MYO19: variants seen among roughly 807,000 people sequenced by gnomAD.
The protein encoded by MYO19 is myosin XIX.
A neutral mutation model predicts 129.2 loss-of-function variants in MYO19; 132 were observed. The observed-to-expected ratio is 1.02, with a 90% CI of 0.89 to 1.18. The LOEUF is 1.18. MYO19 is among the 50% of genes most tolerant of loss of function. The pLI is 0.00. For synonymous variants in MYO19, 531 were observed against 477.2 expected (o/e 1.11, Z -1.47); for missense variants, 1,210 against 1,216.7 (o/e 0.99, Z 0.08).
chr17:36,512,609 A>G, intron 11 of MYO19: 1 of 1,283,492 alleles, frequency 7.8e-7, no homozygotes, highest in Non-Finnish European at 1.0e-6. Flanking sequence ...AGTGTTGTCC[A>G]CTTATCCTGG....
chr17:36,543,331 T>A (rs2074209766), exon 1 of MYO19: 1 of 151,848 alleles, frequency 6.6e-6, no homozygotes, highest in South Asian at 2.1e-4. Context: ...AATTTTGTAT[T>A]TTTAGTAGAG....
In MYO19 at chr17:36,498,428, G is replaced by A; in HGVS notation, c.2595C>T (p.Pro865=). 1 of 1,614,012 alleles carries A rather than the reference G, an allele frequency of 6.2e-7. No individual in the cohort carries two copies. The highest frequency in any genetic ancestry group is 8.5e-7 in the Non-Finnish European group (1 of 1,179,888). Residue 865 remains proline, a synonymous_variant, in exon 25 of 26, where the codon CCC becomes CCT. Coordinates refer to ENST00000614623, the MANE Select transcript of MYO19 (RefSeq NM_001163735.2). The stretch of plus-strand genomic sequence containing the variant: ...CCGTATTGGCCAGGACCAGTCCCAG[G>A]GGCCAGAGGCGGATTATTGCCTCCA... ...RLLEAIIRLW[P]LGLVLANTAM...
chr17:36,509,156 A>C (rs1471263069), intron 13 of MYO19, 21 bp from the exon 14 acceptor site: 4 of 1,611,912 alleles, frequency 2.5e-6, no homozygotes, highest in Non-Finnish European at 3.4e-6. Context: ...AAGAGAGTGG[A>C]CTCTGGTAAG....
chr17:36,543,934 C>CT (rs2074217784), upstream of MYO19, among the ~76,000 whole-genome samples: 1 of 152,168 alleles, frequency 6.6e-6, no homozygotes, highest in African/African-American at 2.4e-5. Flanking sequence ...ACCCAAAATA[C>CT]TTTTTTTAAA....
Position 36,507,095 on chromosome 17 carries a change from T to C in MYO19, c.1512A>G (p.Thr504=). 1 of 1,612,548 alleles carries C rather than the reference T, an allele frequency of 6.2e-7. No homozygotes were observed. Among genetic ancestry groups the C allele is most frequent in the Non-Finnish European group, 8.5e-7 (1 of 1,178,844 alleles). The stretch of plus-strand genomic sequence containing the variant: ...TGCCTGCCAGGGCAGTCTCAATGCG[T>C]GTCTGGAGCTGGGCTGCGCTGCTGG... ...NRPSSAAQLQ[T]RIETALAGSP... is the part of the protein sequence containing the mutation. Residue 504 remains threonine (T), a synonymous_variant, in exon 17 of 26, where the codon ACA becomes ACG. Transcript: ENST00000614623.
At chr17:36,516,076 TCTC>T in intron 6 of MYO19, 86 bp from the exon 7 acceptor site, 3 of 1,436,900 alleles carry the variant, frequency 2.1e-6, no homozygotes, top group Non-Finnish European at 2.8e-6. Flanking sequence ...CCACCAGAGC[TCTC>T]TTCTCCACCA....
At chr17:36,497,330 A>C (rs1386928115) in intron 25 of MYO19, among the ~76,000 whole-genome samples, 1 of 151,708 alleles carries the variant, frequency 6.6e-6, no homozygotes, top group Non-Finnish European at 1.5e-5. Context: ...GAAAAAAAAA[A>C]AAAACCCACA....
At chr17:36,513,234 T>C in intron 11 of MYO19, 195 bp downstream of exon 11, 2 of 1,454,082 alleles carry the variant, frequency 1.4e-6, no homozygotes, top group Non-Finnish European at 1.8e-6. Context: ...TCACTCTTCC[T>C]TATGCCCCGT....
upstream of MYO19, among the ~76,000 whole-genome samples, chr17:36,544,613 C>A (rs567851770): frequency 6.6e-6 from 1 of 152,200 alleles, no homozygotes; most frequent in African/African-American, 2.4e-5. Flanking sequence ...ATAGACGACA[C>A]CCTGACGTCG....
chr17:36,512,606 T>C (rs1444862196), intron 11 of MYO19: 1 of 1,282,414 alleles, frequency 7.8e-7, no homozygotes, highest in Non-Finnish European at 1.0e-6. Flanking sequence ...CCCAGTGTTG[T>C]CCACTTATCC....
intron 18 of MYO19, 90 bp downstream of exon 18, chr17:36,506,366 A>G: frequency 1.3e-6 from 2 of 1,561,122 alleles, no homozygotes; most frequent in East Asian, 2.2e-5. Context: ...GCTCCCCAAC[A>G]AACAGCACCG....
intron 12 of MYO19, 99 bp from the exon 13 acceptor site, chr17:36,511,016 T>C: frequency 7.4e-7 from 1 of 1,345,922 alleles, no homozygotes; most frequent in Non-Finnish European, 1.0e-6. Context: ...CTTGCCCAAC[T>C]GGACAGAAGA....
At chr17:36,497,991 A>T (rs575326857) in intron 25 of MYO19, 9 of 458,614 alleles carry the variant, frequency 2.0e-5, no homozygotes, top group African/African-American at 1.6e-4. Context: ...CTAGAAACGC[A>T]GCATTGCATT....
chr17:36,515,071 C>T (rs2072647907), intron 8 of MYO19, 42 bp downstream of exon 8: 1 of 1,565,302 alleles, frequency 6.4e-7, no homozygotes, highest in Non-Finnish European at 8.7e-7. Flanking sequence ...TCAACCTCCC[C>T]AGTCCCATCC....
intron 21 of MYO19, among the ~76,000 whole-genome samples, chr17:36,502,571 T>C (rs1233063242): frequency 1.3e-5 from 2 of 152,106 alleles, no homozygotes; most frequent in Admixed American, 1.3e-4. Context: ...GCCCCCAGAG[T>C]GGTCTCCAGA....
chr17:36,517,021 T>C (rs2072798601), intron 6 of MYO19, among the ~76,000 whole-genome samples: 1 of 152,262 alleles, frequency 6.6e-6, no homozygotes, highest in African/African-American at 2.4e-5. Context: ...ATGACTTCAA[T>C]TTCTTTCAGA....
At chr17:36,518,527 AATATATATATATAT>A (rs1555581707) in intron 6 of MYO19, among the ~76,000 whole-genome samples, 1 of 41,460 alleles carries the variant, frequency 2.4e-5, no homozygotes, top group African/African-American at 1.1e-4. Context: ...AAAAAAAAAA[AATATATATATATAT>A]ATATATATAT....
At chr17:36,507,737 T>G in intron 15 of MYO19, 66 bp downstream of exon 15, 1 of 1,500,002 alleles carries the variant, frequency 6.7e-7, no homozygotes, top group Non-Finnish European at 8.9e-7. Context: ...GGACTGGGGC[T>G]GGAAGGTCAG....
intron 19 of MYO19, 56 bp downstream of exon 19, chr17:36,505,241 A>T: frequency 6.8e-7 from 1 of 1,470,232 alleles, no homozygotes. Flanking sequence ...TCATCTCTCC[A>T]GGGCCTTGGC....
Sources: allele counts gnomAD v4.1 joint callset (sites outside exome capture counted in the v4.1 genomes callset), GRCh38; gene constraint gnomAD v4.1.1; transcripts MANE v1.5; gene names NCBI Gene and HGNC (gene_info 2026-07-23, HGNC 2026-07-21).